Variants in ITPR2 observed in about 807,000 individuals in gnomAD.
ITPR2 encodes inositol 1,4,5-trisphosphate-gated calcium channel ITPR2.
Under a neutral mutation model 317.1 loss-of-function variants are expected in ITPR2, and 207 were observed. That is an observed-to-expected ratio of 0.65 (90% CI 0.58 to 0.73). The LOEUF is 0.73. Ranked by LOEUF, ITPR2 falls within the 30% of genes least tolerant of loss-of-function variation. ITPR2 has a pLI of 0.00. For synonymous variants in ITPR2, 1,156 were observed against 1,149.1 expected, an observed-to-expected ratio of 1.01 and a Z score of -0.12; for missense variants, 2,613 against 3,284.0, an observed-to-expected ratio of 0.80 and a Z score of 4.99.
intron 32 of ITPR2, among the ~76,000 whole-genome samples, chr12:26,581,647 A>G (rs937141427): frequency 2.6e-5 from 4 of 152,170 alleles, no homozygotes; most frequent in African/African-American, 7.2e-5. Flanking sequence ...AGGTTGGGCT[A>G]TATTCCTGGA....
At chr12:26,512,100 C>A (rs1201621465) in intron 37 of ITPR2, among the ~76,000 whole-genome samples, 1 of 151,358 alleles carries the variant, frequency 6.6e-6, no homozygotes, top group Non-Finnish European at 1.5e-5. Context: ...CCCAAAATGA[C>A]TAAGCCAACG....
chr12:26,663,873 T>C (rs1947559923), intron 14 of ITPR2, 27 bp from the exon 15 acceptor site: 1 of 1,556,662 alleles, frequency 6.4e-7, no homozygotes, highest in South Asian at 1.2e-5. Flanking sequence ...CAGCCACCTA[T>C]TCTGATGAAT....
At chr12:26,362,353 C>A (rs1442158609) in intron 55 of ITPR2, among the ~76,000 whole-genome samples, 2 of 152,060 alleles carry the variant, frequency 1.3e-5, no homozygotes, top group African/African-American at 4.8e-5. Context: ...CTTCTGAGAC[C>A]TAAGCACCAG....
chr12:26,765,081 G>C (rs569603338), intron 2 of ITPR2, among the ~76,000 whole-genome samples: 1 of 152,110 alleles, frequency 6.6e-6, no homozygotes, highest in East Asian at 1.9e-4. Flanking sequence ...GCTCTAAGTG[G>C]CATAACCTAC....
At chr12:26,783,304 C>G (rs1274988838) in intron 2 of ITPR2, among the ~76,000 whole-genome samples, 2 of 152,314 alleles carry the variant, frequency 1.3e-5, no homozygotes, top group East Asian at 3.9e-4. Context: ...GACAAATGTT[C>G]AGAGAATCTC....
In ITPR2 at chr12:26,639,765, C is replaced by T. The variant is rs1468851387; in HGVS notation, c.2741-7706G>A. 3.3e-5 allele frequency among the ~76,000 whole-genome samples: 5 copies of T among 151,864 alleles called. No individual in the cohort carries two copies. In the South Asian group the frequency reaches 6.3e-4, roughly 19 times the overall value. On this transcript the variant is annotated intron_variant, in intron 21 of 56. Transcript: ENST00000381340. Reference sequence around the variant, plus strand: ...GATAGTTTGCTGAGAATGATGGTTTCCAGCTTCATCCATGTCCCTACAAAG... The same window carrying T: ...GATAGTTTGCTGAGAATGATGGTTTTCAGCTTCATCCATGTCCCTACAAAG...
intron 2 of ITPR2, among the ~76,000 whole-genome samples, chr12:26,770,716 G>T (rs1351384255): frequency 6.6e-6 from 1 of 152,148 alleles, no homozygotes; most frequent in African/African-American, 2.4e-5. Context: ...TTGGCGCATG[G>T]CCAGCCCACT....
At chr12:26,457,909 T>C (rs188840120) in intron 45 of ITPR2, among the ~76,000 whole-genome samples, 1 of 152,272 alleles carries the variant, frequency 6.6e-6, no homozygotes, top group Admixed American at 6.5e-5. Context: ...ACAGCACCGA[T>C]ACAAAGTAAG....
chr12:26,461,645 T>C (rs1281485475), intron 45 of ITPR2, among the ~76,000 whole-genome samples: 1 of 28,630 alleles, frequency 3.5e-5, no homozygotes. Context: ...TATATATATA[T>C]ATATATATAT....
chr12:26,599,579 T>C (rs1448519354), intron 29 of ITPR2, among the ~76,000 whole-genome samples: 1 of 152,192 alleles, frequency 6.6e-6, no homozygotes, highest in Non-Finnish European at 1.5e-5. Context: ...GTGCAACATA[T>C]TGGCAACAGT....
At chr12:26,635,422 G>C (rs1159567988) in intron 21 of ITPR2, among the ~76,000 whole-genome samples, 1 of 152,036 alleles carries the variant, frequency 6.6e-6, no homozygotes, top group Non-Finnish European at 1.5e-5. Flanking sequence ...GAATTTTCTT[G>C]TTGTTTAGAT....
chr12:26,789,924 T>C (rs1376922740), intron 2 of ITPR2, among the ~76,000 whole-genome samples: 1 of 152,218 alleles, frequency 6.6e-6, no homozygotes, highest in Non-Finnish European at 1.5e-5. Flanking sequence ...CAAGATTTCC[T>C]TTTAACAGAT....
intron 2 of ITPR2, among the ~76,000 whole-genome samples, chr12:26,733,609 C>T (rs145091120): frequency 6.6e-6 from 1 of 152,232 alleles, no homozygotes; most frequent in East Asian, 1.9e-4. Context: ...CTGATTCATA[C>T]ACTAATAGGT....
intron 34 of ITPR2, among the ~76,000 whole-genome samples, chr12:26,576,863 G>C (rs967513699): frequency 6.6e-6 from 1 of 152,166 alleles, no homozygotes; most frequent in African/African-American, 2.4e-5. Context: ...ATAAAACAGA[G>C]GTGAGAGGTG....
At chr12:26,602,325 G>A in intron 28 of ITPR2, 45 bp downstream of exon 28, 1 of 1,560,568 alleles carries the variant, frequency 6.4e-7, no homozygotes, top group Non-Finnish European at 8.6e-7. Flanking sequence ...ATTTGAAATT[G>A]TATCAAAATA....
intron 45 of ITPR2, among the ~76,000 whole-genome samples, chr12:26,465,094 G>A (rs1942136875): frequency 6.6e-6 from 1 of 152,204 alleles, no homozygotes; most frequent in Admixed American, 6.5e-5. Flanking sequence ...GTGACATTCA[G>A]GGAGTGAGCG....
chr12:26,792,670 T>G (rs1189070281), intron 1 of ITPR2, among the ~76,000 whole-genome samples: 5 of 152,148 alleles, frequency 3.3e-5, no homozygotes, highest in Admixed American at 3.3e-4. Context: ...TCTACTAGAA[T>G]GAGGTGCAAT....
At chr12:26,382,687 A>G (rs1939546215) in intron 55 of ITPR2, among the ~76,000 whole-genome samples, 1 of 152,132 alleles carries the variant, frequency 6.6e-6, no homozygotes, top group African/African-American at 2.4e-5. Context: ...AAAAAAAAAG[A>G]ATTTGAAAAC....
chr12:26,367,169 G>T (rs1478431526), intron 55 of ITPR2, among the ~76,000 whole-genome samples: 1 of 152,060 alleles, frequency 6.6e-6, no homozygotes, highest in Non-Finnish European at 1.5e-5. Context: ...ATTGTATAAA[G>T]TACTGTGCCA....
Sources: gnomAD v4.1 joint callset for allele counts (sites outside exome capture counted in the v4.1 genomes callset) on GRCh38, gnomAD v4.1.1 for gene constraint, MANE v1.5 for transcripts, NCBI Gene and HGNC (gene_info 2026-07-23, HGNC 2026-07-21) for gene names.